TBCD: variants seen among roughly 807,000 people sequenced by gnomAD.
TBCD encodes tubulin-specific chaperone D.
In TBCD, 105 loss-of-function variants were observed where a neutral mutation model predicts 169.3. The observed-to-expected ratio is 0.62, with a 90% CI of 0.53 to 0.73. The LOEUF (loss-of-function observed/expected upper bound fraction) is 0.73. Ranked by LOEUF, TBCD falls within the 30% of genes least tolerant of loss-of-function variation. TBCD has a pLI of 0.00. For missense variants in TBCD, 1,444 were observed against 1,600.1 expected (o/e 0.90, Z 1.66); for synonymous variants, 700 against 643.9 (o/e 1.09, Z -1.32).
rs532660512 is a variant in TBCD, at chr17:82,870,096, G to A, written c.1319-128G>A. On this transcript the variant is annotated intron_variant, in intron 13 of 38. Transcript: ENST00000355528. ...AGCCCCGAACCTCTGGGTGGGCTCCGTGTCGCTTGCGTGCCTCACTCATCT... is the reference window on the plus strand; with the variant it reads ...AGCCCCGAACCTCTGGGTGGGCTCCATGTCGCTTGCGTGCCTCACTCATCT... The A allele has an allele frequency of 1.7e-3, 2,210 of 1,304,306 alleles. 4 individuals carry two copies. The highest frequency in any genetic ancestry group is 1.9e-3 in the Non-Finnish European group (1,821 of 937,388). The allele number at this position is 1,304,306 out of a possible 1,614,324, so 80.8% of individuals were successfully genotyped here. A position where few individuals can be genotyped will look rare whatever the true frequency, so the allele number is the denominator to read the frequency against.
chr17:82,923,214 C>G lies in TBCD; in HGVS notation c.2179-438C>G, dbSNP rs2061523301. Among the ~76,000 whole-genome samples, 1 of 152,198 alleles carries G rather than the reference C, an allele frequency of 6.6e-6. No homozygotes were observed. The highest frequency in any genetic ancestry group is 6.5e-5 in the Admixed American group (1 of 15,282). On this transcript the variant is annotated intron_variant, in intron 25 of 38. Transcript: ENST00000355528. The surrounding 1 kb of genome is among the most constrained non-coding windows in gnomAD (Gnocchi z 4.6). ...AATATGCTCCATTTTATTATTGTTC[C>G]ATATTAGAAGACAGACATTGTGGAA...
intron 9 of TBCD, among the ~76,000 whole-genome samples, chr17:82,804,591 C>T (rs2050815891): frequency 6.6e-6 from 1 of 152,210 alleles, no homozygotes; most frequent in Non-Finnish European, 1.5e-5. Context: ...GACCCGGTGC[C>T]TTGTGGGCTG....
intron 26 of TBCD, among the ~76,000 whole-genome samples, chr17:82,924,034 A>T (rs1042447239): frequency 6.6e-6 from 1 of 152,040 alleles, no homozygotes; most frequent in African/African-American, 2.4e-5. Context: ...GCTCACTGCA[A>T]CCTCTGCCTC....
At chr17:82,778,083 C>T (rs2048713093) in intron 6 of TBCD, among the ~76,000 whole-genome samples, 1 of 152,096 alleles carries the variant, frequency 6.6e-6, no homozygotes, top group Non-Finnish European at 1.5e-5. Context: ...CCTGGCTTTT[C>T]CTAGGTTATG....
chr17:82,846,263 C>G lies in TBCD; in HGVS notation c.1319-23961C>G, dbSNP rs1481329709. ...CTGCCCCCTCCACGCGCTGCGTCCT[C>G]TGTGCTGTGTCCTCTTGTCCAGCCC... On this transcript the variant is annotated intron_variant, in intron 13 of 38. Coordinates refer to ENST00000355528, the MANE Select transcript of TBCD (RefSeq NM_005993.5). Among the ~76,000 whole-genome samples the G allele has an allele frequency of 2.7e-3, 383 of 139,920 alleles. 2 individuals are homozygous for G. The highest frequency in any genetic ancestry group is 0.01 in the African/African-American group (365 of 35,524). The allele number at this position is 139,920 out of a possible 152,430, so 91.8% of individuals were successfully genotyped here.
chr17:82,891,222 C>T (rs1001248335), intron 16 of TBCD, among the ~76,000 whole-genome samples: 10 of 152,236 alleles, frequency 6.6e-5, no homozygotes, highest in Non-Finnish European at 1.5e-4. Flanking sequence ...ATTTGAGCCA[C>T]GTTACCTTTA....
rs755302623 is a variant in TBCD at position 82,840,953 on chromosome 17, G to GTTTTTTTTTTTTTTTTTTTT, written c.1318+26019_1318+26020insTTTTTTTTTTTTTTTTTTTT. 4.8e-4 allele frequency among the ~76,000 whole-genome samples: 34 copies of GTTTTTTTTTTTTTTTTTTTT among 70,548 alleles called. 16 individuals carry two copies. The highest frequency in any genetic ancestry group is 7.8e-4 in the African/African-American group (14 of 18,010). 46.3% of individuals were successfully genotyped at this position (70,548 alleles called of 152,430 possible). A position where few individuals can be genotyped will look rare whatever the true frequency, so the allele number is the denominator to read the frequency against. ...ACGAGCTGGCCAGGACAGACAAACT[G>GTTTTTTTTTTTTTTTTTTTT]GTTTTTTTTTTTTTTTTTTTTTTTT... On this transcript the variant is annotated intron_variant, in intron 13 of 38. Transcript: ENST00000355528.
intron 34 of TBCD, 176 bp downstream of exon 34, chr17:82,932,911 A>G (rs1337886166): frequency 6.4e-6 from 4 of 629,772 alleles, no homozygotes; most frequent in South Asian, 3.8e-5. Context: ...AAATAACGCA[A>G]TAATAACATA....
chr17:82,798,910 T>C (rs73362984), intron 8 of TBCD, among the ~76,000 whole-genome samples: 7,935 of 151,938 alleles, frequency 0.052, 333 homozygotes, highest in African/African-American at 0.11. Flanking sequence ...GCCCGGCTAA[T>C]TTTTTTAGCA....
intron 16 of TBCD, 68 bp from the exon 17 acceptor site, chr17:82,893,479 T>C (rs1011826116): frequency 3.1e-6 from 4 of 1,276,114 alleles, no homozygotes; most frequent in Admixed American, 2.1e-5. Context: ...GATGTGATTA[T>C]TGAACTTGGT....
intron 4 of TBCD, among the ~76,000 whole-genome samples, chr17:82,767,871 C>A (rs140264338): frequency 2.0e-5 from 3 of 151,820 alleles, no homozygotes; most frequent in Non-Finnish European, 4.4e-5. Context: ...AGGAGAATGG[C>A]GTGAACCCGG....
At chr17:82,850,248 CTGT>C (rs1166592203) in intron 13 of TBCD, among the ~76,000 whole-genome samples, 1 of 143,496 alleles carries the variant, frequency 7.0e-6, no homozygotes, top group African/African-American at 2.7e-5. Context: ...GTTGGCTGTG[CTGT>C]TGTTGGCTGT....
Position 82,874,331 on chromosome 17 carries a change from C to A in TBCD, c.1475+3951C>A, listed in dbSNP as rs1024882062. ...GCCTGGACTGCACAGCCAGGGCCTCCCCGGCATGTGGCGGGGCCAGCGTTG... is the reference window on the plus strand; with the variant it reads ...GCCTGGACTGCACAGCCAGGGCCTCACCGGCATGTGGCGGGGCCAGCGTTG... On this transcript the variant is annotated intron_variant, in intron 14 of 38. Transcript: ENST00000355528. This position sits in a 1 kb window ranked among gnomAD's most constrained non-coding sequence, Gnocchi z 5.0. Among the ~76,000 whole-genome samples the A allele has an allele frequency of 2.0e-5, 3 of 152,078 alleles. No individual in the cohort carries two copies. Among genetic ancestry groups the A allele is most frequent in the Non-Finnish European group, 1.5e-5 (1 of 67,990 alleles).
At chr17:82,752,712 C>T (rs966021828) in intron 1 of TBCD, among the ~76,000 whole-genome samples, 40 of 152,134 alleles carry the variant, frequency 2.6e-4, no homozygotes, top group African/African-American at 8.9e-4. Flanking sequence ...TGGAGGAGGT[C>T]CCTGGGCTGG....
chr17:82,936,114 C>G (rs2062599775), intron 34 of TBCD, among the ~76,000 whole-genome samples: 1 of 152,214 alleles, frequency 6.6e-6, no homozygotes, highest in Admixed American at 6.5e-5. Flanking sequence ...TTTGCTCCTT[C>G]CCTGGTTTTT....
intron 13 of TBCD, among the ~76,000 whole-genome samples, chr17:82,845,762 C>A (rs1466262047): frequency 6.6e-6 from 1 of 152,254 alleles, no homozygotes; most frequent in Non-Finnish European, 1.5e-5. Context: ...TGCTGACCTC[C>A]CTGGGCCTCG....
intron 22 of TBCD, 30 bp downstream of exon 22, chr17:82,909,337 T>A: frequency 6.6e-7 from 1 of 1,513,308 alleles, no homozygotes; most frequent in Non-Finnish European, 9.0e-7. Context: ...AGTTCTTATA[T>A]CTGTGTCCTA....
chr17:82,917,130 C>T (rs943698715), intron 23 of TBCD, among the ~76,000 whole-genome samples: 7 of 146,112 alleles, frequency 4.8e-5, no homozygotes, highest in Admixed American at 1.5e-4. Flanking sequence ...AGCGATTTTC[C>T]TGCTTCAGCC....
Position 82,889,607 on chromosome 17 carries a change from G to T in TBCD, c.1534-61G>T. 1.2e-6 allele frequency: 2 copies of T among 1,608,376 alleles called. No homozygotes were observed. Among genetic ancestry groups the T allele is most frequent in the South Asian group, 2.2e-5 (2 of 90,804 alleles). ...ACGTTGTGCTGTTTGTTCTGAACTT[G>T]CCTCTGGTGTTGGCGGAAGCTGACC... is the stretch of plus-strand genomic sequence containing the variant. On this transcript the variant is annotated intron_variant, in intron 15 of 38. Coordinates refer to ENST00000355528, the MANE Select transcript of TBCD (RefSeq NM_005993.5). The surrounding 1 kb of genome is among the most constrained non-coding windows in gnomAD (Gnocchi z 5.3).
Sources: allele counts gnomAD v4.1 joint callset (sites outside exome capture counted in the v4.1 genomes callset), GRCh38; gene constraint gnomAD v4.1.1; non-coding constraint Gnocchi (gnomAD v3.1); transcripts MANE v1.5; gene names NCBI Gene and HGNC (gene_info 2026-07-23, HGNC 2026-07-21).